The following CNOT7 variants were observed in gnomAD, a reference collection of about 807,000 sequenced individuals.
The protein encoded by CNOT7 is BTG1-binding factor 1.
CNOT7 carries 4 observed loss-of-function variants against 37.1 expected under a neutral mutation model. That is an observed-to-expected ratio of 0.11 (90% CI 0.05 to 0.25). The LOEUF (loss-of-function observed/expected upper bound fraction) is 0.25, where lower values mean the gene tolerates loss of function less well. CNOT7 is among the 10% of genes least tolerant of loss of function. The pLI, the probability that CNOT7 is intolerant of heterozygous loss-of-function variation, is 1.00. For missense variants in CNOT7, 170 were observed against 336.2 expected (o/e 0.51, Z 3.87); for synonymous variants, 128 against 115.6 (o/e 1.11, Z -0.69).
At chr8:17,242,764 CA>C (rs1409532701) in intron 3 of CNOT7, 3 of 347,216 alleles carry the variant, frequency 8.6e-6, no homozygotes, top group South Asian at 9.7e-5. Context: ...CTTCCAAATA[CA>C]AAAAAAGCTG....
Position 17,228,201 on chromosome 8 carries a change from C to G in CNOT7, c.*2519G>C, listed in dbSNP as rs1808281257. 1 of 151,986 alleles carries G rather than the reference C, an allele frequency of 6.6e-6. No individual in the cohort carries two copies. The highest frequency in any genetic ancestry group is 2.4e-5 in the African/African-American group (1 of 41,538). The allele number at this position is 151,986 out of a possible 1,614,324, so 9.4% of individuals were successfully genotyped here. On this transcript the variant is annotated 3_prime_UTR_variant, in exon 7 of 7. Coordinates refer to ENST00000361272, the MANE Select transcript of CNOT7 (RefSeq NM_013354.7). ...CACAAAAACAGGCAGCAAGCTGATT[C>G]TGGCTACGGGCCATAGTTTGACAAC...
chr8:17,232,369 A>G (rs1275730668), intron 6 of CNOT7, 58 bp downstream of exon 6: 46 of 1,610,896 alleles, frequency 2.9e-5, no homozygotes, highest in Non-Finnish European at 2.3e-5. Context: ...TGGCCACAAG[A>G]TTTTTAATGT....
intron 6 of CNOT7, chr8:17,232,174 A>C (rs1808726941): frequency 8.0e-7 from 1 of 1,246,434 alleles, no homozygotes. Flanking sequence ...GGTTGGACCT[A>C]CATGACTTCT....
At chr8:17,237,410 C>T in intron 3 of CNOT7, 37 bp from the exon 4 acceptor site, 2 of 1,598,974 alleles carry the variant, frequency 1.3e-6, no homozygotes, top group African/African-American at 2.7e-5. Flanking sequence ...TTCAAACATG[C>T]CATTACTTCA....
At chr8:17,233,688 C>T (rs1452424794) in intron 5 of CNOT7, among the ~76,000 whole-genome samples, 2 of 152,204 alleles carry the variant, frequency 1.3e-5, no homozygotes, top group Non-Finnish European at 2.9e-5. Flanking sequence ...GGATACCCTA[C>T]TGCAAGTTCA....
At chr8:17,244,231 T>C (rs984674424) in intron 2 of CNOT7, 10 of 153,060 alleles carry the variant, frequency 6.5e-5, no homozygotes, top group Admixed American at 6.5e-4. Flanking sequence ...GAAAAATCAT[T>C]AACTGGATAG....
At chr8:17,239,702 C>G (rs1160228030) in intron 3 of CNOT7, among the ~76,000 whole-genome samples, 1 of 152,058 alleles carries the variant, frequency 6.6e-6, no homozygotes, top group Admixed American at 6.5e-5. Context: ...ACCGTGTTAG[C>G]CAGGATGTTC....
At chr8:17,234,305 C>A (rs1010275789) in intron 5 of CNOT7, among the ~76,000 whole-genome samples, 3 of 152,192 alleles carry the variant, frequency 2.0e-5, no homozygotes, top group East Asian at 3.9e-4. Flanking sequence ...TGCCACACTA[C>A]TAAATACATC....
At position 17,230,526 on chromosome 8, in the gene CNOT7, A is replaced by C. The variant is rs1032571883; in HGVS notation, c.*194T>G. On this transcript the variant is annotated 3_prime_UTR_variant, in exon 7 of 7. Transcript: ENST00000361272. ...TAAATTAAGGCCAAATTTAACCTGA[A>C]TGCGTTTTTTTTTTTCTTTTTATTA... 5 of 373,686 alleles carry C rather than the reference A, an allele frequency of 1.3e-5. No homozygotes were observed. The highest frequency in any genetic ancestry group is 8.4e-5 in the African/African-American group (4 of 47,444). 23.1% of individuals were successfully genotyped at this position (373,686 alleles called of 1,614,324 possible). A position where few individuals can be genotyped will look rare whatever the true frequency, so the allele number is the denominator to read the frequency against.
At chr8:17,244,378 T>C (rs1810605325) in intron 2 of CNOT7, 1 of 152,232 alleles carries the variant, frequency 6.6e-6, no homozygotes, top group Non-Finnish European at 1.5e-5. Context: ...ATTTTTTTGT[T>C]TGAGAAAGAG....
At chr8:17,235,363 G>A (rs1809208036) in intron 4 of CNOT7, among the ~76,000 whole-genome samples, 1 of 152,152 alleles carries the variant, frequency 6.6e-6, no homozygotes, top group Non-Finnish European at 1.5e-5. Flanking sequence ...GAATAAGACT[G>A]TAACAAGGTA....
Position 17,225,040 on chromosome 8 carries a change from A to T in CNOT7, c.*5680T>A, listed in dbSNP as rs752838260. 6.6e-6 allele frequency: 1 copy of T among 151,740 alleles called. No homozygotes were observed. Among genetic ancestry groups the T allele is most frequent in the Admixed American group, 6.6e-5 (1 of 15,198 alleles). The allele number at this position is 151,740 out of a possible 1,614,324, so 9.4% of individuals were successfully genotyped here. A position where few individuals can be genotyped will look rare whatever the true frequency, so the allele number is the denominator to read the frequency against. Reference sequence around the variant, plus strand: ...ACACCTGCTCACAACTTACAGTATTAATTTTTTAGAAAAACAAAACAGGTA... The same window carrying T: ...ACACCTGCTCACAACTTACAGTATTTATTTTTTAGAAAAACAAAACAGGTA... On this transcript the variant is annotated 3_prime_UTR_variant, in exon 7 of 7. Coordinates refer to ENST00000361272, the MANE Select transcript of CNOT7 (RefSeq NM_013354.7).
At chr8:17,246,516 C>G (rs117749248) in intron 1 of CNOT7, 159 bp downstream of exon 1, 1 of 153,512 alleles carries the variant, frequency 6.5e-6, no homozygotes, top group East Asian at 1.9e-4. Flanking sequence ...CCCCCAGCCC[C>G]AGTTACCCAG....
intron 3 of CNOT7, among the ~76,000 whole-genome samples, chr8:17,240,958 A>G (rs772377802): frequency 2.0e-5 from 3 of 152,194 alleles, no homozygotes; most frequent in Non-Finnish European, 2.9e-5. Context: ...AAAATCTCAT[A>G]ATGTTTTAAG....
Position 17,230,864 on chromosome 8 carries a change from G to GA in CNOT7, c.730-17dup. 4 of 1,525,722 alleles carry GA rather than the reference G, an allele frequency of 2.6e-6. No homozygotes were observed. Among genetic ancestry groups the GA allele is most frequent in the Non-Finnish European group, 2.7e-6 (3 of 1,127,166 alleles). 94.5% of individuals were successfully genotyped at this position (1,525,722 alleles called of 1,614,324 possible). On this transcript the variant is annotated splice_polypyrimidine_tract_variant and intron_variant, in intron 6 of 6. Coordinates refer to ENST00000361272, the MANE Select transcript of CNOT7 (RefSeq NM_013354.7). ...CAAAGAACATCTAAAAAGGAATTTT[G>GA]AAGAAAAAAAAAAGATAATTTTAAC... is the stretch of plus-strand genomic sequence containing the variant.
rs546064418 is a variant in CNOT7, at chr8:17,232,161, T to C, written c.729+266A>G. 1.5e-4 allele frequency: 170 copies of C among 1,164,418 alleles called. 1 individual carries two copies. Among genetic ancestry groups the C allele is most frequent in the Non-Finnish European group, 1.8e-4 (164 of 918,662 alleles). 72.1% of individuals were successfully genotyped at this position (1,164,418 alleles called of 1,614,324 possible). On this transcript the variant is annotated intron_variant, in intron 6 of 6. Coordinates refer to ENST00000361272, the MANE Select transcript of CNOT7 (RefSeq NM_013354.7). ...GCCTGTTTTCTCACCTGAGAAATAA[T>C]ATGGTTGGACCTACATGACTTCTCA...
chr8:17,238,711 A>C (rs1809728704), intron 3 of CNOT7, among the ~76,000 whole-genome samples: 1 of 152,222 alleles, frequency 6.6e-6, no homozygotes, highest in African/African-American at 2.4e-5. Context: ...TAGGTATACA[A>C]GTAGTTTAGA....
At position 17,227,713 on chromosome 8, in the gene CNOT7, AG is replaced by A. The variant is rs1467649468; in HGVS notation, c.*3006del. 1 of 151,882 alleles carries A rather than the reference AG, an allele frequency of 6.6e-6. No individual in the cohort carries two copies. Among genetic ancestry groups the A allele is most frequent in the African/African-American group, 2.4e-5 (1 of 41,430 alleles). The allele number at this position is 151,882 out of a possible 1,614,324, so 9.4% of individuals were successfully genotyped here. On this transcript the variant is annotated 3_prime_UTR_variant, in exon 7 of 7. Coordinates refer to ENST00000361272, the MANE Select transcript of CNOT7 (RefSeq NM_013354.7). ...ATTGTGATGTTAGTCTGATACTGTCAGTCTATTCTTTTACCAGTTATGGTGA... is the reference window on the plus strand; with the variant it reads ...ATTGTGATGTTAGTCTGATACTGTCATCTATTCTTTTACCAGTTATGGTGA...
chr8:17,238,006 C>T (rs1442068423), intron 3 of CNOT7, among the ~76,000 whole-genome samples: 2 of 152,188 alleles, frequency 1.3e-5, no homozygotes, highest in Admixed American at 1.3e-4. Context: ...AAAAGACTGC[C>T]TTATAAAATC....
Sources: allele counts gnomAD v4.1 joint callset (sites outside exome capture counted in the v4.1 genomes callset), GRCh38; gene constraint gnomAD v4.1.1; transcripts MANE v1.5; gene names NCBI Gene and HGNC (gene_info 2026-07-23, HGNC 2026-07-21).